Variants in CCDC170 observed in about 807,000 individuals in gnomAD.
The protein encoded by CCDC170 is coiled-coil domain containing 170, also known as coiled-coil domain-containing protein 170.
A neutral mutation model predicts 72.6 loss-of-function variants in CCDC170; 69 were observed. The ratio of observed to expected loss-of-function variants is 0.95; its 90% CI spans 0.78 to 1.16. The LOEUF is 1.16. Ranked by LOEUF, CCDC170 falls within the 50% of genes most tolerant of loss-of-function variation. The probability of loss-of-function intolerance (pLI) is 0.00; values close to 1 mark genes in which losing one functional copy is unlikely to be tolerated. For synonymous variants in CCDC170, 300 were observed against 303.9 expected, an observed-to-expected ratio of 0.99 and a Z score of 0.13; for missense variants, 852 against 832.5, an observed-to-expected ratio of 1.02 and a Z score of -0.29.
chr6:151,567,579 C>G (rs1776155985), intron 5 of CCDC170, among the ~76,000 whole-genome samples: 1 of 152,122 alleles, frequency 6.6e-6, no homozygotes, highest in South Asian at 2.1e-4. Context: ...CATCTGTCAA[C>G]AGTTCTATTA....
At position 151,548,346 on chromosome 6, in the gene CCDC170, A is replaced by C. The variant is rs2115058590; in HGVS notation, c.631A>C (p.Ile211Leu). The C allele has an allele frequency of 6.2e-7, 1 of 1,602,230 alleles. No homozygotes were observed. The highest frequency in any genetic ancestry group is 8.5e-7 in the Non-Finnish European group (1 of 1,173,810). The stretch of plus-strand genomic sequence containing the variant: ...AGAAAATGAATTCGTGAAAGGACAA[A>C]TTGTTATTCTTGAAGAGACTATAAA... ...RKENEFVKGQ[I>L]VILEETINVH... Residue 211 changes from isoleucine to leucine, a missense_variant, in exon 5 of 11, where the codon ATT becomes CTT. Coordinates refer to ENST00000239374, the MANE Select transcript of CCDC170 (RefSeq NM_025059.4).
Position 151,596,432 on chromosome 6 carries a change from C to T in CCDC170, c.1565C>T (p.Thr522Met), listed in dbSNP as rs369246635. The T allele has an allele frequency of 5.0e-5, 81 of 1,613,966 alleles. No individual in the cohort carries two copies. The highest frequency in any genetic ancestry group is 3.3e-4 in the Middle Eastern group (2 of 6,084). ...CTGGAGGAGGAGAAGCAGGCACGCACGGCCTTGGTGGTTGAGAGGGACAAC... is the reference window on the plus strand; with the variant it reads ...CTGGAGGAGGAGAAGCAGGCACGCATGGCCTTGGTGGTTGAGAGGGACAAC... ...AQLEEEKQAR[T>M]ALVVERDNAH... The change falls in exon 9 of 11, where the codon ACG (threonine) becomes ATG (methionine). Residue 522 changes from threonine (T) to methionine (M), a missense_variant. Thr to Met is a moderately conservative substitution (Grantham distance 81). Coordinates refer to ENST00000239374, the MANE Select transcript of CCDC170 (RefSeq NM_025059.4).
chr6:151,518,264 A>G (rs1782265114), intron 1 of CCDC170, among the ~76,000 whole-genome samples: 1 of 152,114 alleles, frequency 6.6e-6, no homozygotes, highest in Non-Finnish European at 1.5e-5. Flanking sequence ...AAATCTGTGC[A>G]CTTTCTAAGC....
At chr6:151,533,762 C>T (rs1011773688) in intron 1 of CCDC170, among the ~76,000 whole-genome samples, 2 of 151,188 alleles carry the variant, frequency 1.3e-5, no homozygotes, top group Admixed American at 6.6e-5. Flanking sequence ...GCCTTTTTGC[C>T]TTCCTTGCAT....
At chr6:151,558,121 C>T (rs1218948909) in intron 5 of CCDC170, among the ~76,000 whole-genome samples, 1 of 151,796 alleles carries the variant, frequency 6.6e-6, no homozygotes, top group Admixed American at 6.6e-5. Flanking sequence ...AATAAATAAA[C>T]CTTTGGCCAT....
At position 151,617,996 on chromosome 6, in the gene CCDC170, C is replaced by G; in HGVS notation, c.1997C>G (p.Thr666Ser). 6.2e-7 allele frequency: 1 copy of G among 1,614,122 alleles called. No homozygotes were observed. Among genetic ancestry groups the G allele is most frequent in the Non-Finnish European group, 8.5e-7 (1 of 1,179,996 alleles). ...VVSQMLGLNV[T>S]SLALPDYEII... is the part of the protein sequence containing the mutation. ...TCGCAGATGCTAGGCTTGAACGTGA[C>G]CAGCCTTGCTCTTCCTGATTATGAA... The change falls in exon 11 of 11, where the codon ACC becomes AGC. Residue 666 changes from threonine (T) to serine (S), a missense_variant. Physicochemically the swap from Thr to Ser is moderately conservative, Grantham distance 58 (BLOSUM62 1). Transcript: ENST00000239374.
intron 1 of CCDC170, among the ~76,000 whole-genome samples, chr6:151,528,628 T>C (rs962390255): frequency 5.3e-5 from 8 of 152,068 alleles, no homozygotes; most frequent in African/African-American, 1.9e-4. Flanking sequence ...AGTGGATCAG[T>C]TGAGTTCAAG....
At chr6:151,554,039 A>G (rs1562280399) in intron 5 of CCDC170, among the ~76,000 whole-genome samples, 1 of 152,222 alleles carries the variant, frequency 6.6e-6, no homozygotes, top group South Asian at 2.1e-4. Flanking sequence ...TTCCTTCAAG[A>G]AAATTTCGCA....
chr6:151,595,531 C>T (rs749043779), intron 8 of CCDC170, among the ~76,000 whole-genome samples: 6 of 152,106 alleles, frequency 3.9e-5, no homozygotes, highest in Non-Finnish European at 7.4e-5. Context: ...TATATCAACT[C>T]TCAGCCAGGT....
intron 5 of CCDC170, among the ~76,000 whole-genome samples, chr6:151,572,342 T>A (rs534516097): frequency 6.6e-6 from 1 of 152,324 alleles, no homozygotes; most frequent in Non-Finnish European, 1.5e-5. Flanking sequence ...TATGCAATGA[T>A]GTTTTTATGA....
chr6:151,560,267 T>A (rs1030114355), intron 5 of CCDC170, among the ~76,000 whole-genome samples: 1 of 152,198 alleles, frequency 6.6e-6, no homozygotes, highest in African/African-American at 2.4e-5. Flanking sequence ...CTTGTGTGGT[T>A]TTGGGAGTTT....
chr6:151,565,674 G>A (rs928873910), intron 5 of CCDC170, among the ~76,000 whole-genome samples: 1 of 152,138 alleles, frequency 6.6e-6, no homozygotes, highest in Non-Finnish European at 1.5e-5. Flanking sequence ...TTGAAGCCCT[G>A]CCCCTTGAGA....
intron 1 of CCDC170, among the ~76,000 whole-genome samples, chr6:151,516,859 T>A (rs1186098568): frequency 2.0e-5 from 3 of 152,228 alleles, no homozygotes; most frequent in Non-Finnish European, 4.4e-5. Context: ...TTTGCCTGGC[T>A]GGTGCCATAT....
chr6:151,592,074 T>C (rs1415658667), intron 7 of CCDC170, among the ~76,000 whole-genome samples: 1 of 151,928 alleles, frequency 6.6e-6, no homozygotes, highest in African/African-American at 2.4e-5. Flanking sequence ...GACAAAGACA[T>C]AGGCTGGGCA....
At chr6:151,533,092 C>T (rs1225755458) in intron 1 of CCDC170, among the ~76,000 whole-genome samples, 2 of 147,166 alleles carry the variant, frequency 1.4e-5, no homozygotes, top group African/African-American at 2.6e-5. Flanking sequence ...CTCGCTCTGT[C>T]ACCCAGGTTG....
Position 151,538,190 on chromosome 6 carries a change from A to G in CCDC170, c.332A>G (p.Glu111Gly). ...GACAGAGTTCAGGAACTAGAAGAAG[A>G]ATCAGCAGCACTTTCCACTTCTAAA... ...LRDRVQELEE[E>G]SAALSTSKIR... Residue 111 changes from glutamate (E) to glycine (G), a missense_variant, in exon 3 of 11, where the codon GAA becomes GGA. Glu to Gly is a moderately conservative substitution (Grantham distance 98). Coordinates refer to ENST00000239374, the MANE Select transcript of CCDC170 (RefSeq NM_025059.4). The G allele has an allele frequency of 6.2e-7, 1 of 1,614,038 alleles. No homozygotes were observed. Among genetic ancestry groups the G allele is most frequent in the Non-Finnish European group, 8.5e-7 (1 of 1,179,956 alleles).
intron 5 of CCDC170, among the ~76,000 whole-genome samples, chr6:151,565,041 G>A (rs1273069797): frequency 6.6e-6 from 1 of 152,314 alleles, no homozygotes; most frequent in East Asian, 1.9e-4. Context: ...GCGTTGGGGA[G>A]CCTGTCCTTG....
Position 151,525,078 on chromosome 6 carries a change from G to A in CCDC170, c.58-11240G>A, listed in dbSNP as rs535381109. On this transcript the variant is annotated intron_variant, in intron 1 of 10. Coordinates refer to ENST00000239374, the MANE Select transcript of CCDC170 (RefSeq NM_025059.4). ...CTCCCTAGTGGCTGGGACTATAGGT[G>A]CCCGCCACTGCACCCAGCTAATTTT... is the stretch of plus-strand genomic sequence containing the variant. Among the ~76,000 whole-genome samples, 261 of 151,968 alleles carry A rather than the reference G, an allele frequency of 1.7e-3. 4 individuals carry two copies. In the East Asian group the frequency reaches 0.024, roughly 14 times the overall value.
At chr6:151,585,508 G>A (rs1388092214) in intron 6 of CCDC170, among the ~76,000 whole-genome samples, 1 of 152,162 alleles carries the variant, frequency 6.6e-6, no homozygotes. Flanking sequence ...TCAAAATGGT[G>A]AAAGAATTTT....
Sources: gnomAD v4.1 joint callset for allele counts (sites outside exome capture counted in the v4.1 genomes callset) on GRCh38, gnomAD v4.1.1 for gene constraint, MANE v1.5 for transcripts, NCBI Gene and HGNC (gene_info 2026-07-23, HGNC 2026-07-21) for gene names.